PAPPA2: variants seen among roughly 807,000 people sequenced by gnomAD.
PAPPA2 encodes pappalysin-2.
In PAPPA2, 86 loss-of-function variants were observed where a neutral mutation model predicts 176.4. The ratio of observed to expected loss-of-function variants is 0.49; its 90% CI spans 0.41 to 0.58. The LOEUF (loss-of-function observed/expected upper bound fraction) is 0.58. Ranked by LOEUF, PAPPA2 falls within the 20% of genes least tolerant of loss-of-function variation. PAPPA2 has a pLI of 0.00. For synonymous variants in PAPPA2, 809 were observed against 852.2 expected (o/e 0.95, Z 0.88); for missense variants, 2,073 against 2,256.9 (o/e 0.92, Z 1.65).
chr1:176,740,300 T>A, intron 14 of PAPPA2, 104 bp downstream of exon 14: 1 of 1,165,014 alleles, frequency 8.6e-7, no homozygotes, highest in Admixed American at 2.6e-5. Context: ...AATCACTAAC[T>A]GAAAAATGAA....
At chr1:176,535,589 C>A (rs988447558) in intron 1 of PAPPA2, among the ~76,000 whole-genome samples, 1 of 152,128 alleles carries the variant, frequency 6.6e-6, no homozygotes, top group Non-Finnish European at 1.5e-5. Context: ...AGACAGAGAG[C>A]AGAAGAGCAC....
intron 1 of PAPPA2, among the ~76,000 whole-genome samples, chr1:176,532,107 T>C (rs1289291037): frequency 1.3e-5 from 2 of 152,078 alleles, no homozygotes; most frequent in African/African-American, 4.8e-5. Context: ...CAAGAGAAAA[T>C]TGAAAACACA....
At chr1:176,591,262 C>A (rs1215309661) in intron 2 of PAPPA2, among the ~76,000 whole-genome samples, 1 of 152,082 alleles carries the variant, frequency 6.6e-6, no homozygotes, top group Non-Finnish European at 1.5e-5. Context: ...TCTTGGAATT[C>A]TTTGGCTTTG....
intron 2 of PAPPA2, among the ~76,000 whole-genome samples, chr1:176,557,901 T>C (rs959194682): frequency 6.6e-6 from 1 of 152,198 alleles, no homozygotes; most frequent in African/African-American, 2.4e-5. Flanking sequence ...CCTGCTGTTG[T>C]TGTAAGAAGG....
At chr1:176,668,860 C>T (rs1356355188) in intron 3 of PAPPA2, among the ~76,000 whole-genome samples, 3 of 152,158 alleles carry the variant, frequency 2.0e-5, no homozygotes, top group African/African-American at 7.2e-5. Context: ...TTGCCACCAG[C>T]ATGACATAAA....
intron 3 of PAPPA2, among the ~76,000 whole-genome samples, chr1:176,633,900 C>T (rs971044848): frequency 7.2e-5 from 11 of 152,212 alleles, no homozygotes; most frequent in African/African-American, 1.9e-4. Flanking sequence ...GAGATATCAT[C>T]TCACACCAGT....
intron 12 of PAPPA2, among the ~76,000 whole-genome samples, chr1:176,716,606 T>C (rs1661385782): frequency 6.9e-6 from 1 of 145,432 alleles, no homozygotes; most frequent in Admixed American, 6.8e-5. Flanking sequence ...TTCCTTCTTT[T>C]TTTTTTTTTT....
chr1:176,620,927 A>G (rs528089552), intron 3 of PAPPA2, among the ~76,000 whole-genome samples: 1 of 152,070 alleles, frequency 6.6e-6, no homozygotes, highest in Non-Finnish European at 1.5e-5. Flanking sequence ...TATGGACTCT[A>G]TACTAAAGGT....
intron 4 of PAPPA2, among the ~76,000 whole-genome samples, chr1:176,675,855 A>T (rs1659259055): frequency 6.6e-6 from 1 of 152,120 alleles, no homozygotes. Flanking sequence ...TATTTAGAAG[A>T]TATACGGAAC....
intron 2 of PAPPA2, among the ~76,000 whole-genome samples, chr1:176,573,493 C>T (rs1260137133): frequency 6.6e-6 from 1 of 152,116 alleles, no homozygotes; most frequent in Non-Finnish European, 1.5e-5. Flanking sequence ...GGAAATTTCA[C>T]ACTGGTTGTC....
At chr1:176,712,752 A>G (rs543942357) in intron 12 of PAPPA2, among the ~76,000 whole-genome samples, 1 of 152,340 alleles carries the variant, frequency 6.6e-6, no homozygotes, top group East Asian at 1.9e-4. Flanking sequence ...ATAATCCCAA[A>G]TAATTTTCCA....
At chr1:176,704,681 A>T (rs1185423099) in intron 9 of PAPPA2, among the ~76,000 whole-genome samples, 2 of 152,220 alleles carry the variant, frequency 1.3e-5, no homozygotes, top group Admixed American at 6.5e-5. Context: ...CAACTTGGGC[A>T]GGTAAATCTA....
At chr1:176,534,191 G>A (rs1480389571) in intron 1 of PAPPA2, among the ~76,000 whole-genome samples, 1 of 152,190 alleles carries the variant, frequency 6.6e-6, no homozygotes, top group Non-Finnish European at 1.5e-5. Flanking sequence ...AGTAGCTTCT[G>A]TCAGAATTAT....
intron 12 of PAPPA2, among the ~76,000 whole-genome samples, chr1:176,712,843 T>C (rs1156675579): frequency 6.6e-6 from 1 of 152,204 alleles, no homozygotes; most frequent in East Asian, 1.9e-4. Context: ...ATTTGGTCTT[T>C]TAAGTCTCCA....
At chr1:176,493,319 TGCTC>T (rs1206795227) in intron 1 of PAPPA2, among the ~76,000 whole-genome samples, 1 of 152,232 alleles carries the variant, frequency 6.6e-6, no homozygotes, top group East Asian at 1.9e-4. Context: ...TTCTAAGTAA[TGCTC>T]TTAGACTGTT....
intron 2 of PAPPA2, among the ~76,000 whole-genome samples, chr1:176,592,614 T>C (rs765935183): frequency 2.0e-5 from 3 of 152,192 alleles, no homozygotes; most frequent in Non-Finnish European, 4.4e-5. Context: ...CAAGTAGATG[T>C]CTGGCAGATA....
intron 12 of PAPPA2, among the ~76,000 whole-genome samples, chr1:176,735,948 A>G (rs1161691803): frequency 6.6e-6 from 1 of 152,168 alleles, no homozygotes; most frequent in African/African-American, 2.4e-5. Flanking sequence ...TCCTTGCAAG[A>G]GACATGCTTA....
intron 10 of PAPPA2, among the ~76,000 whole-genome samples, chr1:176,706,776 G>A (rs1351647745): frequency 6.6e-6 from 1 of 152,170 alleles, no homozygotes; most frequent in Non-Finnish European, 1.5e-5. Flanking sequence ...CTAGCTTAAT[G>A]TTACCAGGGA....
At chr1:176,628,797 G>A (rs1306321863) in intron 3 of PAPPA2, among the ~76,000 whole-genome samples, 1 of 152,194 alleles carries the variant, frequency 6.6e-6, no homozygotes, top group African/African-American at 2.4e-5. Flanking sequence ...TGCTGAATAA[G>A]GATTTGCAGT....
Sources: allele counts gnomAD v4.1 joint callset (sites outside exome capture counted in the v4.1 genomes callset), GRCh38; gene constraint gnomAD v4.1.1; transcripts MANE v1.5; gene names NCBI Gene and HGNC (gene_info 2026-07-23, HGNC 2026-07-21).